Variants in SLCO3A1 observed in about 807,000 individuals in gnomAD.
SLCO3A1 encodes solute carrier organic anion transporter family member 3A1, also known as PGE1 transporter.
SLCO3A1 carries 27 observed loss-of-function variants against 63.1 expected under a neutral mutation model. The ratio of observed to expected loss-of-function variants is 0.43; its 90% CI spans 0.32 to 0.59. The LOEUF (loss-of-function observed/expected upper bound fraction) is 0.59. Among genes scored for constraint, SLCO3A1 ranks in the 20% least tolerant of loss-of-function variants. The pLI, the probability that SLCO3A1 is intolerant of heterozygous loss-of-function variation, is 0.09. For missense variants in SLCO3A1, 773 were observed against 945.8 expected (o/e 0.82, Z 2.40); for synonymous variants, 473 against 409.9 (o/e 1.15, Z -1.86).
rs137903861 is a variant in SLCO3A1 at position 92,140,631 on chromosome 15, A to C, written c.1513-6353A>C. Among the ~76,000 whole-genome samples the C allele has an allele frequency of 6.8e-4, 104 of 152,138 alleles. 2 individuals carry two copies. The East Asian group carries it at 0.02, about 29-fold the overall frequency. On this transcript the variant is annotated intron_variant, in intron 7 of 9. Transcript: ENST00000318445. ...GGGAGTCTAATTCTCTTTGTAGGTCACTCAGGACTTGCTTTATGAAACTGG... is the reference window on the plus strand; with the variant it reads ...GGGAGTCTAATTCTCTTTGTAGGTCCCTCAGGACTTGCTTTATGAAACTGG...
At chr15:91,902,220 TCTCA>T (rs1898177209) in intron 1 of SLCO3A1, among the ~76,000 whole-genome samples, 1 of 151,944 alleles carries the variant, frequency 6.6e-6, no homozygotes, top group Admixed American at 6.6e-5. Flanking sequence ...GAGACAAGAG[TCTCA>T]CTCACTGTGT....
At chr15:91,921,038 C>T (rs547059784) in intron 2 of SLCO3A1, among the ~76,000 whole-genome samples, 41 of 152,290 alleles carry the variant, frequency 2.7e-4, no homozygotes, top group African/African-American at 9.9e-4. Flanking sequence ...TTTGCTAGGG[C>T]TGCCCTAAGC....
intron 2 of SLCO3A1, among the ~76,000 whole-genome samples, chr15:91,939,880 C>T (rs759184698): frequency 6.6e-6 from 1 of 152,142 alleles, no homozygotes; most frequent in African/African-American, 2.4e-5. Context: ...CTGAGTTCTT[C>T]CCACGGGCCA....
chr15:92,114,030 A>G (rs2047761604), intron 4 of SLCO3A1, among the ~76,000 whole-genome samples: 1 of 152,206 alleles, frequency 6.6e-6, no homozygotes, highest in South Asian at 2.1e-4. Context: ...CCAATTGCAC[A>G]TGAATGCCAG....
chr15:91,874,394 C>T (rs981414004), intron 1 of SLCO3A1, among the ~76,000 whole-genome samples: 1 of 152,136 alleles, frequency 6.6e-6, no homozygotes, highest in African/African-American at 2.4e-5. Flanking sequence ...AAACTCCATA[C>T]CCATTAAAGA....
chr15:92,134,860 G>A (rs2048037252), intron 7 of SLCO3A1, among the ~76,000 whole-genome samples: 1 of 152,156 alleles, frequency 6.6e-6, no homozygotes, highest in Admixed American at 6.5e-5. Flanking sequence ...CAGGCCTGCT[G>A]GGGTAGAAAT....
chr15:92,162,497 CT>C (rs1643316570), intron 9 of SLCO3A1: 2 of 477,212 alleles, frequency 4.2e-6, no homozygotes, highest in East Asian at 7.6e-5. Flanking sequence ...CTGGTGAAGA[CT>C]GTAGTATTAT....
intron 1 of SLCO3A1, among the ~76,000 whole-genome samples, chr15:91,891,263 C>A (rs915005859): frequency 2.6e-5 from 4 of 152,148 alleles, no homozygotes; most frequent in African/African-American, 9.7e-5. Context: ...GCAGAAAGAG[C>A]CCAGCTGTCA....
intron 1 of SLCO3A1, among the ~76,000 whole-genome samples, chr15:91,881,431 C>T (rs1254629969): frequency 6.6e-6 from 1 of 152,022 alleles, no homozygotes; most frequent in African/African-American, 2.4e-5. Context: ...CTGAAAGACC[C>T]AGTGATTTGA....
At chr15:91,953,436 G>A (rs1027615573) in intron 2 of SLCO3A1, among the ~76,000 whole-genome samples, 24 of 152,146 alleles carry the variant, frequency 1.6e-4, no homozygotes, top group Admixed American at 1.2e-3. Context: ...GTGGGGGGAG[G>A]AATGGTGTCA....
At chr15:91,927,597 C>T (rs529051515) in intron 2 of SLCO3A1, among the ~76,000 whole-genome samples, 1 of 152,234 alleles carries the variant, frequency 6.6e-6, no homozygotes, top group African/African-American at 2.4e-5. Flanking sequence ...GGAGGATTGG[C>T]GTTGCACTCA....
At chr15:91,964,331 A>G (rs1900576270) in intron 2 of SLCO3A1, among the ~76,000 whole-genome samples, 1 of 151,866 alleles carries the variant, frequency 6.6e-6, no homozygotes, top group African/African-American at 2.4e-5. Context: ...TAGGTGAAAT[A>G]TTTGATAGTG....
At chr15:91,889,033 CA>C (rs35188337) in intron 1 of SLCO3A1, 100,753 of 498,640 alleles carry the variant, frequency 0.2, 6,045 homozygotes, top group East Asian at 0.38. Flanking sequence ...AAAGAAAAAC[CA>C]AAAAAAAAAA....
At chr15:91,910,058 T>C (rs1898436854) in intron 1 of SLCO3A1, among the ~76,000 whole-genome samples, 1 of 152,148 alleles carries the variant, frequency 6.6e-6, no homozygotes, top group Admixed American at 6.5e-5. Flanking sequence ...AGTCTGGCCT[T>C]CAAGGTTGTT....
chr15:92,170,999 G>A (rs1447716634), intron 10 of SLCO3A1: 2 of 152,134 alleles, frequency 1.3e-5, no homozygotes, highest in African/African-American at 4.8e-5. Context: ...AACTTGCCCA[G>A]GACTCAGGCT....
intron 2 of SLCO3A1, among the ~76,000 whole-genome samples, chr15:91,956,432 T>C (rs1380850180): frequency 1.3e-5 from 2 of 152,156 alleles, no homozygotes; most frequent in Admixed American, 6.5e-5. Flanking sequence ...TCTGCAGGCA[T>C]ATTTATTTGT....
rs562899896 is a variant in SLCO3A1 at position 92,033,439 on chromosome 15, A to G, written c.647-61442A>G. Among the ~76,000 whole-genome samples, 7 of 152,320 alleles carry G rather than the reference A, an allele frequency of 4.6e-5. No homozygotes were observed. The highest frequency in any genetic ancestry group is 1.4e-4 in the African/African-American group (6 of 41,576). The stretch of plus-strand genomic sequence containing the variant: ...GAAGTAACGATGTTCACGCTTGGGC[A>G]GCTGGATGGACACGTCGTGGAGTGA... On this transcript the variant is annotated intron_variant, in intron 2 of 9. Transcript: ENST00000318445. This position sits in a 1 kb window ranked among gnomAD's most constrained non-coding sequence, Gnocchi z 4.5.
intron 2 of SLCO3A1, among the ~76,000 whole-genome samples, chr15:91,984,678 A>G (rs2151438991): frequency 6.6e-6 from 1 of 152,346 alleles, no homozygotes; most frequent in South Asian, 2.1e-4. Flanking sequence ...ATGGCTTTAT[A>G]CTGTCATCGG....
At chr15:92,161,737 C>T (rs2048439585) in intron 9 of SLCO3A1, 2 of 151,118 alleles carry the variant, frequency 1.3e-5, no homozygotes, top group African/African-American at 4.9e-5. Flanking sequence ...AGTATGCCGG[C>T]GCTTTGCAGT....
Sources: gnomAD v4.1 joint callset for allele counts (sites outside exome capture counted in the v4.1 genomes callset) on GRCh38, gnomAD v4.1.1 for gene constraint, Gnocchi (gnomAD v3.1) non-coding constraint, MANE v1.5 for transcripts, NCBI Gene and HGNC (gene_info 2026-07-23, HGNC 2026-07-21) for gene names.